The following SP3 variants were observed in gnomAD, a reference collection of about 807,000 sequenced individuals.
SP3 encodes transcription factor Sp3.
Under a neutral mutation model 70.3 loss-of-function variants are expected in SP3, and 10 were observed. That is an observed-to-expected ratio of 0.14 (90% confidence interval 0.09 to 0.24). The LOEUF is 0.24. Among genes scored for constraint, SP3 ranks in the 10% least tolerant of loss-of-function variants. The pLI is 1.00. For synonymous variants in SP3, 402 were observed against 333.5 expected (o/e 1.21, Z -2.24); for missense variants, 825 against 914.6 (o/e 0.90, Z 1.26).
intron 3 of SP3, among the ~76,000 whole-genome samples, chr2:173,961,944 T>TTTG (rs1691098292): frequency 6.6e-6 from 1 of 150,864 alleles, no homozygotes; most frequent in Non-Finnish European, 1.5e-5. Context: ...GGTTTTTTTT[T>TTTG]TTTTTTTTTT....
rs546258657 is a variant in SP3, at chr2:173,957,288, C to T, written c.280-1056G>A. Among the ~76,000 whole-genome samples, 10 of 152,080 alleles carry T rather than the reference C, an allele frequency of 6.6e-5. 1 individual carries two copies. In the Middle Eastern group the frequency reaches 0.014, roughly 207 times the overall value. ...ATGACATACAATCCCAATCTTCAAA[C>T]GGTTCACTGTCAATCCAAGCAGACA... On this transcript the variant is annotated intron_variant, in intron 3 of 6. Coordinates refer to ENST00000310015, the MANE Select transcript of SP3 (RefSeq NM_003111.5).
intron 4 of SP3, among the ~76,000 whole-genome samples, chr2:173,939,432 A>G (rs1237519707): frequency 2.0e-5 from 3 of 152,218 alleles, no homozygotes; most frequent in South Asian, 2.1e-4. Flanking sequence ...CTGTATAAGG[A>G]TATCTACTGC....
At chr2:173,954,344 C>T (rs1349467261) in intron 4 of SP3, among the ~76,000 whole-genome samples, 2 of 152,156 alleles carry the variant, frequency 1.3e-5, no homozygotes, top group Non-Finnish European at 2.9e-5. Flanking sequence ...TCTGGAAGGT[C>T]ACCTAGACAG....
At position 173,965,278 on chromosome 2, in the gene SP3, C is replaced by G; in HGVS notation, c.-107G>C. On this transcript the variant is annotated 5_prime_UTR_variant, in exon 1 of 7. Transcript: ENST00000310015. ...TGCGGGAAGCGGCGGCGGACACGGC[C>G]GGAGCGGTCCGGGGATTTTTTTTTC... 1.5e-6 allele frequency: 2 copies of G among 1,299,246 alleles called. No homozygotes were observed. The highest frequency in any genetic ancestry group is 2.2e-5 in the Admixed American group (1 of 45,694). The allele number at this position is 1,299,246 out of a possible 1,614,324, so 80.5% of individuals were successfully genotyped here. A position where few individuals can be genotyped will look rare whatever the true frequency, so the allele number is the denominator to read the frequency against.
In SP3 at chr2:173,909,950, T is replaced by C. The variant is rs771496015; in HGVS notation, c.2337A>G (p.Thr779=). 7.4e-6 allele frequency: 12 copies of C among 1,612,606 alleles called. No homozygotes were observed. Among genetic ancestry groups the C allele is most frequent in the Non-Finnish European group, 1.0e-5 (12 of 1,178,660 alleles). The change falls in exon 7 of 7, where the codon ACA becomes ACG. Residue 779 remains threonine, a synonymous_variant. Coordinates refer to ENST00000310015, the MANE Select transcript of SP3 (RefSeq NM_003111.5). The part of the protein sequence containing the change: ...LQLVTVSGNE[T]ME The stretch of plus-strand genomic sequence containing the variant: ...AGTATTTGTGTAATATTTACTCCAT[T>C]GTCTCATTTCCAGAAACTGTGACAA...
At chr2:173,913,430 T>C (rs1008468088) in intron 5 of SP3, 164 bp from the exon 6 acceptor site, 1 of 468,834 alleles carries the variant, frequency 2.1e-6, no homozygotes, top group Non-Finnish European at 3.5e-6. Flanking sequence ...TGAAAATTTA[T>C]GTATTTCAAG....
At position 173,964,512 on chromosome 2, in the gene SP3, C is replaced by T. The variant is rs952191257; in HGVS notation, c.49G>A (p.Asp17Asn). The change falls in exon 2 of 7, where the codon GAC (aspartate) becomes AAC (asparagine). Residue 17 changes from aspartate (D) to asparagine (N), a missense_variant. Asp to Asn is a conservative substitution (Grantham distance 23). Transcript: ENST00000310015. ...PVKQEEMAAL[D>N]VDSGGGGGGG... ...CCACCGCCGCCGCCGCTATCCACGTCCAAGGCAGCCATTTCCTCTTGTTTC... is the reference window on the plus strand; with the variant it reads ...CCACCGCCGCCGCCGCTATCCACGTTCAAGGCAGCCATTTCCTCTTGTTTC... The T allele has an allele frequency of 4.3e-6, 3 of 705,850 alleles. No individual in the cohort carries two copies. The highest frequency in any genetic ancestry group is 7.9e-6 in the Non-Finnish European group (3 of 380,774). The allele number at this position is 705,850 out of a possible 1,614,324, so 43.7% of individuals were successfully genotyped here. A position where few individuals can be genotyped will look rare whatever the true frequency, so the allele number is the denominator to read the frequency against.
Position 173,901,253 on chromosome 2 carries a change from AAAG to A in SP3, c.*8685_*8687del, listed in dbSNP as rs1689184912. 6.9e-6 allele frequency among the ~76,000 whole-genome samples: 1 copy of A among 145,116 alleles called. No homozygotes were observed. Among genetic ancestry groups the A allele is most frequent in the Non-Finnish European group, 1.6e-5 (1 of 64,364 alleles). ...GACAAAAATTTTTATGACAGTAGGT[AAAG>A]AATTTCTTAAGACACAAAAGCCACA... On this transcript the variant is annotated 3_prime_UTR_variant, in exon 7 of 7. Coordinates refer to ENST00000310015, the MANE Select transcript of SP3 (RefSeq NM_003111.5).
At chr2:173,925,600 A>C (rs1006427922) in intron 4 of SP3, among the ~76,000 whole-genome samples, 2 of 152,194 alleles carry the variant, frequency 1.3e-5, no homozygotes, top group African/African-American at 2.4e-5. Flanking sequence ...AAATCTGGCA[A>C]ATCTTCCCTG....
At chr2:173,953,182 T>A (rs1690768007) in intron 4 of SP3, among the ~76,000 whole-genome samples, 1 of 152,250 alleles carries the variant, frequency 6.6e-6, no homozygotes, top group South Asian at 2.1e-4. Context: ...TGCAAGTGCA[T>A]GGTCATGAAG....
chr2:173,942,569 AAT>A (rs1690404488), intron 4 of SP3, among the ~76,000 whole-genome samples: 1 of 152,170 alleles, frequency 6.6e-6, no homozygotes, highest in Non-Finnish European at 1.5e-5. Flanking sequence ...CTATGACCTG[AAT>A]ATTTCATCGA....
chr2:173,905,941 A>G lies in SP3; in HGVS notation c.*4000T>C, dbSNP rs558105827. ...CTTGAGACCAGTAAGTGGAGTCTGC[A>G]GTAAGCCATGATTGCACCACTGCAC... On this transcript the variant is annotated 3_prime_UTR_variant, in exon 7 of 7. Transcript: ENST00000310015. 3.3e-5 allele frequency among the ~76,000 whole-genome samples: 5 copies of G among 152,340 alleles called. No homozygotes were observed. In the East Asian group the frequency reaches 9.7e-4, roughly 29 times the overall value.
intron 4 of SP3, among the ~76,000 whole-genome samples, chr2:173,937,569 G>GA (rs569523228): frequency 2.0e-3 from 305 of 151,536 alleles, no homozygotes; most frequent in African/African-American, 6.7e-3. Context: ...TAAATTTCTT[G>GA]AAAAAAAATT....
intron 4 of SP3, among the ~76,000 whole-genome samples, chr2:173,919,055 G>A (rs1689680228): frequency 6.6e-6 from 1 of 152,136 alleles, no homozygotes; most frequent in Admixed American, 6.5e-5. Context: ...TTCACTCAAA[G>A]TTCTCGGAAA....
chr2:173,943,404 TC>T (rs1267773769), intron 4 of SP3, among the ~76,000 whole-genome samples: 1 of 152,224 alleles, frequency 6.6e-6, no homozygotes, highest in African/African-American at 2.4e-5. Flanking sequence ...TAGTTCAATT[TC>T]ATTTTCTCAT....
chr2:173,924,723 C>A (rs1021707480), intron 4 of SP3, among the ~76,000 whole-genome samples: 1 of 152,114 alleles, frequency 6.6e-6, no homozygotes, highest in African/African-American at 2.4e-5. Context: ...GCAGATATTG[C>A]TAAAGATCAA....
At position 173,904,262 on chromosome 2, in the gene SP3, G is replaced by A. The variant is rs1689252189; in HGVS notation, c.*5679C>T. Among the ~76,000 whole-genome samples, 1 of 152,090 alleles carries A rather than the reference G, an allele frequency of 6.6e-6. No homozygotes were observed. Among genetic ancestry groups the A allele is most frequent in the Non-Finnish European group, 1.5e-5 (1 of 68,012 alleles). Reference sequence around the variant, plus strand: ...GGCCCAGGTGGTTCCTCACAGACCAGGGACCAGTACCGGTCTGTGGCCCAG... The same window carrying A: ...GGCCCAGGTGGTTCCTCACAGACCAAGGACCAGTACCGGTCTGTGGCCCAG... On this transcript the variant is annotated 3_prime_UTR_variant, in exon 7 of 7. Transcript: ENST00000310015.
At chr2:173,918,817 G>A in intron 4 of SP3, 32 bp from the exon 5 acceptor site, 1 of 1,567,870 alleles carries the variant, frequency 6.4e-7, no homozygotes, top group Non-Finnish European at 8.6e-7. Flanking sequence ...ATACAGATGA[G>A]AAGCAACCAA....
intron 4 of SP3, among the ~76,000 whole-genome samples, chr2:173,953,272 G>T (rs1013301923): frequency 6.6e-6 from 1 of 152,212 alleles, no homozygotes. Context: ...CACCACCACT[G>T]AAAGTGTCAA....
Sources: gnomAD v4.1 joint callset for allele counts (sites outside exome capture counted in the v4.1 genomes callset) on GRCh38, gnomAD v4.1.1 for gene constraint, MANE v1.5 for transcripts, NCBI Gene and HGNC (gene_info 2026-07-23, HGNC 2026-07-21) for gene names.